Variants in NRG1 observed in about 807,000 individuals in gnomAD.
The protein encoded by NRG1 is neuregulin 1.
A neutral mutation model predicts 63.8 loss-of-function variants in NRG1; 18 were observed. The observed-to-expected ratio is 0.28, with a 90% CI of 0.19 to 0.42. The LOEUF (loss-of-function observed/expected upper bound fraction) is 0.42. Among genes scored for constraint, NRG1 ranks in the 10% least tolerant of loss-of-function variants. NRG1 has a pLI of 1.00. For missense variants in NRG1, 762 were observed against 814.7 expected (o/e 0.94, Z 0.79); for synonymous variants, 302 against 301.3 (o/e 1.00, Z -0.02).
chr8:31,859,227 T>G (rs535449593), intron 1 of NRG1, among the ~76,000 whole-genome samples: 1 of 152,242 alleles, frequency 6.6e-6, no homozygotes, highest in African/African-American at 2.4e-5. Flanking sequence ...ATAAAATATA[T>G]AAAATGTGTG....
exon 1 of NRG1, chr8:32,548,595 G>A: frequency 7.4e-7 from 1 of 1,345,724 alleles, no homozygotes; most frequent in Non-Finnish European, 9.5e-7. Flanking sequence ...CCCCCGCGCA[G>A]CGCGAGCGCC....
intron 5 of NRG1, among the ~76,000 whole-genome samples, chr8:32,653,432 A>G (rs978989818): frequency 6.6e-6 from 1 of 150,792 alleles, no homozygotes; most frequent in South Asian, 2.1e-4. Flanking sequence ...CCATCTACCA[A>G]ATACTGAACA....
chr8:31,955,596 C>G (rs1023792857), intron 1 of NRG1, among the ~76,000 whole-genome samples: 3 of 152,102 alleles, frequency 2.0e-5, no homozygotes, highest in Non-Finnish European at 2.9e-5. Context: ...TCTAGGCTGT[C>G]GGTGCTTTTT....
intron 1 of NRG1, among the ~76,000 whole-genome samples, chr8:31,994,520 G>A (rs1005455023): frequency 1.3e-5 from 2 of 151,642 alleles, no homozygotes; most frequent in African/African-American, 4.8e-5. Context: ...TGGGCATGGT[G>A]GCATGTGCCT....
At chr8:31,805,097 G>A (rs1724965970) in intron 1 of NRG1, among the ~76,000 whole-genome samples, 1 of 152,082 alleles carries the variant, frequency 6.6e-6, no homozygotes, top group South Asian at 2.1e-4. Flanking sequence ...AGTTTTTTAT[G>A]TAAAATTATT....
chr8:32,214,320 A>G (rs1480783450), intron 1 of NRG1, among the ~76,000 whole-genome samples: 1 of 152,230 alleles, frequency 6.6e-6, no homozygotes, highest in Non-Finnish European at 1.5e-5. Context: ...CTTTATATAT[A>G]TTTAAACCAT....
At chr8:31,782,409 C>T (rs1395215849) in intron 1 of NRG1, among the ~76,000 whole-genome samples, 4 of 152,114 alleles carry the variant, frequency 2.6e-5, no homozygotes, top group Non-Finnish European at 5.9e-5. Flanking sequence ...TCTGTATTAC[C>T]TGATAACACT....
At chr8:31,763,261 ACTTG>A (rs1323721844) in intron 1 of NRG1, among the ~76,000 whole-genome samples, 8 of 152,250 alleles carry the variant, frequency 5.3e-5, no homozygotes, top group Admixed American at 5.2e-4. Flanking sequence ...ATTTGATCTT[ACTTG>A]CTTATACTTT....
At chr8:32,118,614 G>A (rs921468694) in intron 1 of NRG1, among the ~76,000 whole-genome samples, 1 of 152,130 alleles carries the variant, frequency 6.6e-6, no homozygotes, top group African/African-American at 2.4e-5. Context: ...TATGTGCGAG[G>A]AACTGTTACA....
chr8:32,431,860 A>T (rs1380119575), intron 1 of NRG1, among the ~76,000 whole-genome samples: 1 of 152,150 alleles, frequency 6.6e-6, no homozygotes, highest in Non-Finnish European at 1.5e-5. Context: ...TGTAAACCTA[A>T]ATGTGTGAAC....
Position 32,224,705 on chromosome 8 carries a change from C to G in NRG1, c.38-371123C>G, listed in dbSNP as rs115997686. ...GATCACTCAAAGATGAGAATTTGAA[C>G]TAATTTTACTGAAAGACAGGATGAT... is the stretch of plus-strand genomic sequence containing the variant. On this transcript the variant is annotated intron_variant, in intron 1 of 10. Coordinates refer to the NRG1 transcript ENST00000519301. Among the ~76,000 whole-genome samples the G allele has an allele frequency of 4.4e-3, 676 of 152,256 alleles. 4 individuals carry two copies. Among genetic ancestry groups the G allele is most frequent in the African/African-American group, 0.016 (653 of 41,560 alleles).
intron 1 of NRG1, among the ~76,000 whole-genome samples, chr8:31,812,638 C>T (rs1823002012): frequency 6.6e-6 from 1 of 151,294 alleles, no homozygotes; most frequent in African/African-American, 2.4e-5. Context: ...CCTCCCTTCC[C>T]ATCCCCTCCC....
chr8:32,068,340 G>A (rs368448883), intron 1 of NRG1, among the ~76,000 whole-genome samples: 11 of 152,268 alleles, frequency 7.2e-5, no homozygotes, highest in African/African-American at 2.6e-4. Context: ...TGGTCATAAG[G>A]TGAAGAAACC....
At chr8:31,795,695 C>T (rs1821137226) in intron 1 of NRG1, among the ~76,000 whole-genome samples, 1 of 152,028 alleles carries the variant, frequency 6.6e-6, no homozygotes, top group African/African-American at 2.4e-5. Flanking sequence ...TGATATTACA[C>T]ATTCATCCAT....
At chr8:31,754,343 G>A (rs868537574) in intron 1 of NRG1, among the ~76,000 whole-genome samples, 2 of 152,018 alleles carry the variant, frequency 1.3e-5, no homozygotes, top group Non-Finnish European at 2.9e-5. Flanking sequence ...TCATGATAGC[G>A]AGTGAGTTCT....
chr8:32,298,376 GAACT>G lies in NRG1; in HGVS notation c.38-297448_38-297445del, dbSNP rs1370373703. Among the ~76,000 whole-genome samples, 4 of 152,118 alleles carry G rather than the reference GAACT, an allele frequency of 2.6e-5. No individual in the cohort carries two copies. In the South Asian group the frequency reaches 8.3e-4, roughly 32 times the overall value. On this transcript the variant is annotated intron_variant, in intron 1 of 10. Transcript: ENST00000519301. ...CTTTTAATTCTTCCTATTTCTGTTTGAACTAACATGGCAAAGGCTTTCATCTTCC... is the reference window on the plus strand; with the variant it reads ...CTTTTAATTCTTCCTATTTCTGTTTGAACATGGCAAAGGCTTTCATCTTCC...
At position 31,804,696 on chromosome 8, in the gene NRG1, T is replaced by C. The variant is rs1257806129; in HGVS notation, c.37+165265T>C. 2.0e-5 allele frequency among the ~76,000 whole-genome samples: 3 copies of C among 152,170 alleles called. 1 individual carries two copies. Among genetic ancestry groups the C allele is most frequent in the Non-Finnish European group, 1.5e-5 (1 of 68,016 alleles). ...TTTTGAAGCTGACTTTTTTCTTCTA[T>C]GGAAAGCCTCAGTTATTGCTCTTAA... On this transcript the variant is annotated intron_variant, in intron 1 of 10. Coordinates refer to the NRG1 transcript ENST00000519301.
intron 5 of NRG1, among the ~76,000 whole-genome samples, chr8:32,662,025 A>C (rs1589053941): frequency 6.6e-6 from 1 of 152,210 alleles, no homozygotes; most frequent in Admixed American, 6.5e-5. Flanking sequence ...CCTAGCATAA[A>C]GAAAAAACAA....
intron 1 of NRG1, among the ~76,000 whole-genome samples, chr8:32,465,443 CCG>C (rs1460972718): frequency 6.6e-6 from 1 of 152,046 alleles, no homozygotes; most frequent in African/African-American, 2.4e-5. Flanking sequence ...TTGAGCAAGC[CCG>C]CTTATTTAAG....
Sources: allele counts gnomAD v4.1 joint callset (sites outside exome capture counted in the v4.1 genomes callset), GRCh38; gene constraint gnomAD v4.1.1; transcripts MANE v1.5; gene names NCBI Gene and HGNC (gene_info 2026-07-23, HGNC 2026-07-21).